Variants in SRBD1 observed in about 807,000 individuals in gnomAD.
SRBD1 encodes the protein S1 RNA binding domain 1.
In SRBD1, 88 loss-of-function variants were observed where a neutral mutation model predicts 115.3. The ratio of observed to expected loss-of-function variants is 0.76; its 90% CI spans 0.64 to 0.91. SRBD1 has a LOEUF of 0.91. Among genes scored for constraint, SRBD1 ranks in the 40% least tolerant of loss-of-function variants. The probability of loss-of-function intolerance (pLI) is 0.00; values close to 1 mark genes in which losing one functional copy is unlikely to be tolerated. For missense variants in SRBD1, 1,385 were observed against 1,177.4 expected (o/e 1.18, Z -2.58); for synonymous variants, 509 against 407.7 (o/e 1.25, Z -2.99).
At chr2:45,598,304 A>C (rs755159176) in intron 4 of SRBD1, among the ~76,000 whole-genome samples, 31 of 152,254 alleles carry the variant, frequency 2.0e-4, no homozygotes, top group Admixed American at 9.2e-4. Flanking sequence ...ACAGAGAAGA[A>C]AAATCATGAT....
chr2:45,498,014 A>G (rs905304186), intron 14 of SRBD1, among the ~76,000 whole-genome samples: 1 of 152,126 alleles, frequency 6.6e-6, no homozygotes, highest in African/African-American at 2.4e-5. Flanking sequence ...AAAAAAGAAA[A>G]CTACCTAGGT....
intron 4 of SRBD1, among the ~76,000 whole-genome samples, chr2:45,588,044 A>G (rs1157809145): frequency 6.6e-6 from 1 of 152,182 alleles, no homozygotes; most frequent in East Asian, 1.9e-4. Flanking sequence ...TTACTCTGTC[A>G]CTGTTCTTCA....
chr2:45,420,753 G>T (rs1285869512), intron 16 of SRBD1, among the ~76,000 whole-genome samples: 1 of 152,188 alleles, frequency 6.6e-6, no homozygotes, highest in African/African-American at 2.4e-5. Flanking sequence ...TGATAACGCA[G>T]CATTTCTTAA....
intron 19 of SRBD1, among the ~76,000 whole-genome samples, chr2:45,401,864 T>C (rs555020815): frequency 1.3e-5 from 2 of 152,320 alleles, no homozygotes; most frequent in South Asian, 4.1e-4. Flanking sequence ...ATAAAACCAA[T>C]GTAAACTCTT....
At chr2:45,430,574 G>A (rs1572632578) in intron 16 of SRBD1, among the ~76,000 whole-genome samples, 1 of 152,184 alleles carries the variant, frequency 6.6e-6, no homozygotes, top group Non-Finnish European at 1.5e-5. Context: ...ATGGTGTTGG[G>A]AAAACTGGCT....
intron 14 of SRBD1, among the ~76,000 whole-genome samples, chr2:45,532,429 T>C (rs1467094431): frequency 1.3e-5 from 2 of 151,778 alleles, no homozygotes; most frequent in Admixed American, 1.3e-4. Context: ...CAAGGTCACG[T>C]CTAGAATTAC....
rs534702060 is a variant in SRBD1 at position 45,570,491 on chromosome 2, G to A, written c.1305+2716C>T. Reference sequence around the variant, plus strand: ...GTGTGCGATACTGTATTTTAAAGACGTTGTTAGGAGTGACATCACTGAAAA... The same window carrying A: ...GTGTGCGATACTGTATTTTAAAGACATTGTTAGGAGTGACATCACTGAAAA... On this transcript the variant is annotated intron_variant, in intron 9 of 20. Transcript: ENST00000263736. 9.2e-5 allele frequency among the ~76,000 whole-genome samples: 14 copies of A among 152,304 alleles called. No individual in the cohort carries two copies. In the South Asian group the frequency reaches 1.5e-3, roughly 16 times the overall value.
rs976236097 is a variant in SRBD1, at chr2:45,549,856, C to T, written c.1675+1269G>A. ...CCAGCCTGGGTAAAAGAGCAAGACCCTGACTCAGTAAAAGTTAAATAAATA... is the reference window on the plus strand; with the variant it reads ...CCAGCCTGGGTAAAAGAGCAAGACCTTGACTCAGTAAAAGTTAAATAAATA... On this transcript the variant is annotated intron_variant, in intron 12 of 20. Transcript: ENST00000263736. Among the ~76,000 whole-genome samples the T allele has an allele frequency of 7.9e-5, 12 of 152,120 alleles. No homozygotes were observed. The South Asian group carries it at 2.5e-3, about 32-fold the overall frequency.
At chr2:45,420,904 T>A (rs761446130) in intron 16 of SRBD1, among the ~76,000 whole-genome samples, 1 of 152,250 alleles carries the variant, frequency 6.6e-6, no homozygotes, top group Non-Finnish European at 1.5e-5. Flanking sequence ...AGGGTACATG[T>A]GCACAACGTG....
chr2:45,406,929 T>C (rs899671726), intron 19 of SRBD1, among the ~76,000 whole-genome samples: 4 of 152,154 alleles, frequency 2.6e-5, no homozygotes, highest in Non-Finnish European at 4.4e-5. Flanking sequence ...TACTTTTCTG[T>C]GCAGAATAAT....
At chr2:45,516,624 T>C (rs911466607) in intron 14 of SRBD1, among the ~76,000 whole-genome samples, 1 of 152,196 alleles carries the variant, frequency 6.6e-6, no homozygotes, top group African/African-American at 2.4e-5. Flanking sequence ...TTCTGTACTG[T>C]TAAAAGTGCT....
intron 4 of SRBD1, among the ~76,000 whole-genome samples, chr2:45,591,027 A>C (rs575646080): frequency 6.6e-6 from 1 of 151,252 alleles, no homozygotes; most frequent in Non-Finnish European, 1.5e-5. Context: ...AAAAAAAAAA[A>C]CCCTCTTTCC....
chr2:45,558,685 A>ATTTTTTTTTT (rs1214807980), intron 10 of SRBD1, among the ~76,000 whole-genome samples: 1 of 89,528 alleles, frequency 1.1e-5, no homozygotes, highest in Non-Finnish European at 2.2e-5. Flanking sequence ...CCACACAATT[A>ATTTTTTTTTT]TTTTTTTTTT....
At chr2:45,421,370 C>T (rs901784974) in intron 16 of SRBD1, among the ~76,000 whole-genome samples, 18 of 151,410 alleles carry the variant, frequency 1.2e-4, no homozygotes, top group African/African-American at 3.4e-4. Context: ...AGCCGTGCGC[C>T]GTGGCGGACA....
chr2:45,443,898 A>C (rs966213556), intron 16 of SRBD1, among the ~76,000 whole-genome samples: 2 of 151,794 alleles, frequency 1.3e-5, no homozygotes, highest in South Asian at 4.2e-4. Flanking sequence ...AGTAATTTTC[A>C]TCAGACCAGG....
At chr2:45,606,157 CTT>C (rs71394845) in intron 1 of SRBD1, among the ~76,000 whole-genome samples, 18,866 of 116,848 alleles carry the variant, frequency 0.16, 1,718 homozygotes, top group African/African-American at 0.35. Context: ...TTTTCCTATT[CTT>C]TTTTTTTTTT....
intron 16 of SRBD1, among the ~76,000 whole-genome samples, chr2:45,426,618 C>T (rs559263501): frequency 2.9e-4 from 44 of 152,220 alleles, no homozygotes; most frequent in South Asian, 1.9e-3. Context: ...TGGCATCTGG[C>T]GGGTGCCCCT....
intron 14 of SRBD1, among the ~76,000 whole-genome samples, chr2:45,527,064 C>G (rs2103971405): frequency 6.6e-6 from 1 of 151,944 alleles, no homozygotes; most frequent in South Asian, 2.1e-4. Flanking sequence ...TAGCTTTAAT[C>G]TGAAAAGCAT....
Position 45,453,575 on chromosome 2 carries a change from A to G in SRBD1, c.2049+23418T>C, listed in dbSNP as rs1345961383. On this transcript the variant is annotated intron_variant, in intron 16 of 20. Coordinates refer to ENST00000263736, the MANE Select transcript of SRBD1 (RefSeq NM_018079.5). ...ACATACATGGAGAGAAAAAATGTAA[A>G]ACATGTTGAGAGTTCCTATAAATTT... Among the ~76,000 whole-genome samples, 3 of 151,960 alleles carry G rather than the reference A, an allele frequency of 2.0e-5. No individual in the cohort carries two copies. In the East Asian group the frequency reaches 5.8e-4, roughly 29 times the overall value.
Sources: gnomAD v4.1 joint callset for allele counts (sites outside exome capture counted in the v4.1 genomes callset) on GRCh38, gnomAD v4.1.1 for gene constraint, MANE v1.5 for transcripts, NCBI Gene and HGNC (gene_info 2026-07-23, HGNC 2026-07-21) for gene names.